The following RBFOX3 variants were observed in gnomAD, a reference collection of about 807,000 sequenced individuals.
The protein encoded by RBFOX3 is RNA binding fox-1 homolog 3, also known as RNA binding protein fox-1 homolog 3.
Under a neutral mutation model 48.7 loss-of-function variants are expected in RBFOX3, and 17 were observed. The ratio of observed to expected loss-of-function variants is 0.35; its 90% confidence interval spans 0.24 to 0.52. RBFOX3 has a LOEUF of 0.52. Ranked by LOEUF, RBFOX3 falls within the 20% of genes least tolerant of loss-of-function variation. The pLI, the probability that RBFOX3 is intolerant of heterozygous loss-of-function variation, is 0.94. For synonymous variants in RBFOX3, 212 were observed against 209.5 expected (o/e 1.01, Z -0.10); for missense variants, 382 against 497.5 (o/e 0.77, Z 2.21).
intron 2 of RBFOX3, among the ~76,000 whole-genome samples, chr17:79,438,805 G>A (rs1437465039): frequency 2.6e-5 from 4 of 152,246 alleles, no homozygotes; most frequent in South Asian, 2.1e-4. Flanking sequence ...GAGTGCCCCC[G>A]AGCAGGAGCT....
intron 1 of RBFOX3, among the ~76,000 whole-genome samples, chr17:79,524,866 A>G (rs1201750625): frequency 6.6e-6 from 1 of 152,152 alleles, no homozygotes; most frequent in Non-Finnish European, 1.5e-5. Context: ...CCCAGTTTGC[A>G]TAGTGCCTCA....
chr17:79,230,198 C>T (rs190768872), intron 4 of RBFOX3, among the ~76,000 whole-genome samples: 237 of 152,306 alleles, frequency 1.6e-3, no homozygotes, highest in Non-Finnish European at 2.7e-3. Context: ...TTCTCATGTT[C>T]CTCACCACCC....
chr17:79,132,413 C>G lies in RBFOX3; in HGVS notation c.-33-16665G>C, dbSNP rs112420879. 5.0e-3 allele frequency among the ~76,000 whole-genome samples: 766 copies of G among 152,338 alleles called. 6 individuals are homozygous for G. Among genetic ancestry groups the G allele is most frequent in the African/African-American group, 0.018 (728 of 41,578 alleles). On this transcript the variant is annotated intron_variant, in intron 4 of 14. Transcript: ENST00000693108. ...ATTCCATGCACGTCCCTGCCGTGGT[C>G]TGAGGCTGTAGCTCTGAGTGTGCAC...
intron 4 of RBFOX3, among the ~76,000 whole-genome samples, chr17:79,157,506 C>T (rs559724129): frequency 6.6e-6 from 1 of 152,226 alleles, no homozygotes; most frequent in South Asian, 2.1e-4. Context: ...CGAGAACTGG[C>T]CGGTGCCACT....
At chr17:79,305,246 A>G (rs2145491988) in intron 3 of RBFOX3, among the ~76,000 whole-genome samples, 1 of 151,954 alleles carries the variant, frequency 6.6e-6, no homozygotes, top group Non-Finnish European at 1.5e-5. Flanking sequence ...AGGTGGGGGC[A>G]GGGGGCTTGG....
intron 2 of RBFOX3, among the ~76,000 whole-genome samples, chr17:79,427,307 C>T (rs966983606): frequency 2.0e-5 from 3 of 152,202 alleles, no homozygotes; most frequent in Non-Finnish European, 4.4e-5. Context: ...AATGGAGGGG[C>T]TGAGGCTCTA....
chr17:79,157,143 C>A (rs1214562900), intron 4 of RBFOX3, among the ~76,000 whole-genome samples: 1 of 152,200 alleles, frequency 6.6e-6, no homozygotes, highest in Non-Finnish European at 1.5e-5. Flanking sequence ...CGTCCTGACA[C>A]CTCCCTGCTC....
chr17:79,429,631 A>G (rs2068050165), intron 2 of RBFOX3, among the ~76,000 whole-genome samples: 1 of 152,008 alleles, frequency 6.6e-6, no homozygotes. Context: ...GCCTGAGGTC[A>G]CACCTGGGCC....
At chr17:79,355,164 G>A (rs922253017) in intron 2 of RBFOX3, among the ~76,000 whole-genome samples, 5 of 152,288 alleles carry the variant, frequency 3.3e-5, no homozygotes, top group South Asian at 2.1e-4. Flanking sequence ...CATTTAACAC[G>A]GGGTTCGGCA....
At chr17:79,542,079 G>A (rs995770969) in intron 1 of RBFOX3, among the ~76,000 whole-genome samples, 17 of 150,540 alleles carry the variant, frequency 1.1e-4, no homozygotes, top group African/African-American at 2.9e-4. Context: ...GCAACACTCC[G>A]AGACCTCTAT....
intron 2 of RBFOX3, among the ~76,000 whole-genome samples, chr17:79,352,531 T>A (rs1419470114): frequency 1.3e-5 from 2 of 152,186 alleles, no homozygotes; most frequent in East Asian, 3.9e-4. Flanking sequence ...AGGGAATGCA[T>A]GGTCTCCAAG....
chr17:79,255,214 C>CGTGTGTGTGT (rs2064581405), intron 3 of RBFOX3, among the ~76,000 whole-genome samples: 1 of 127,080 alleles, frequency 7.9e-6, no homozygotes, highest in African/African-American at 3.0e-5. Context: ...CCTGTGGTCA[C>CGTGTGTGTGT]ATGTGTGCGT....
chr17:79,413,528 G>A (rs887670333), intron 2 of RBFOX3, among the ~76,000 whole-genome samples: 4 of 152,260 alleles, frequency 2.6e-5, no homozygotes, highest in African/African-American at 4.8e-5. Context: ...GGCTCAGGCC[G>A]TGAGCTCTTC....
chr17:79,144,993 G>A (rs1409850541), intron 4 of RBFOX3, among the ~76,000 whole-genome samples: 1 of 152,340 alleles, frequency 6.6e-6, no homozygotes, highest in East Asian at 1.9e-4. Context: ...AGCCAGGGAA[G>A]GAGAATCCAC....
At position 79,220,315 on chromosome 17, in the gene RBFOX3, C is replaced by G. The variant is rs2059576664; in HGVS notation, c.-34+15451G>C. On this transcript the variant is annotated intron_variant, in intron 4 of 14. Transcript: ENST00000693108. The surrounding 1 kb of genome is among the most constrained non-coding windows in gnomAD (Gnocchi z 5.9). ...GGGGCTTGGTCCCCCAACGCTGGCA[C>G]TCAGTTTAGCTGTCACTTGCAGCTG... 6.6e-6 allele frequency among the ~76,000 whole-genome samples: 1 copy of G among 152,224 alleles called. No individual in the cohort carries two copies. The highest frequency in any genetic ancestry group is 6.5e-5 in the Admixed American group (1 of 15,286).
chr17:79,170,059 G>A (rs1217745804), intron 4 of RBFOX3, among the ~76,000 whole-genome samples: 1 of 139,084 alleles, frequency 7.2e-6, no homozygotes, highest in Non-Finnish European at 1.5e-5. Context: ...GGGAAGGGAA[G>A]GAGGAAGAAA....
At chr17:79,400,772 C>T (rs1451721347) in intron 2 of RBFOX3, among the ~76,000 whole-genome samples, 1 of 152,196 alleles carries the variant, frequency 6.6e-6, no homozygotes, top group Non-Finnish European at 1.5e-5. Context: ...TTTTTGGGGG[C>T]ACCTGTTGGC....
At chr17:79,324,223 C>T (rs1330586032) in intron 2 of RBFOX3, among the ~76,000 whole-genome samples, 7 of 152,202 alleles carry the variant, frequency 4.6e-5, no homozygotes, top group Non-Finnish European at 1.0e-4. Context: ...TGGGAAGGAA[C>T]TGGCTTTGGG....
At chr17:79,599,723 T>C (rs1416469540) in intron 1 of RBFOX3, 1 of 152,206 alleles carries the variant, frequency 6.6e-6, no homozygotes, top group Non-Finnish European at 1.5e-5. Context: ...AGAAAAATCC[T>C]AAATGGCCCT....
Sources: allele counts gnomAD v4.1 joint callset (sites outside exome capture counted in the v4.1 genomes callset), GRCh38; gene constraint gnomAD v4.1.1; non-coding constraint Gnocchi (gnomAD v3.1); transcripts MANE v1.5; gene names NCBI Gene and HGNC (gene_info 2026-07-23, HGNC 2026-07-21).